The following FGF12 variants were observed in gnomAD, a reference collection of about 807,000 sequenced individuals.
FGF12 encodes the protein fibroblast growth factor 12.
A neutral mutation model predicts 23.6 loss-of-function variants in FGF12; 14 were observed. The observed-to-expected ratio is 0.59, with a 90% CI of 0.39 to 0.93. The LOEUF is 0.93. Ranked by LOEUF, FGF12 falls within the 40% of genes least tolerant of loss-of-function variation. The pLI is 0.00. For synonymous variants in FGF12, 62 were observed against 77.3 expected (o/e 0.80, Z 1.04); for missense variants, 175 against 217.8 (o/e 0.80, Z 1.24).
intron 2 of FGF12, among the ~76,000 whole-genome samples, chr3:192,666,917 T>TGATAGATAGATAGATAGATA: frequency 6.8e-6 from 1 of 147,630 alleles, no homozygotes; most frequent in South Asian, 2.2e-4. Flanking sequence ...GATAGATAGA[T>TGATAGATAGATAGATAGATA]GATAGATAGA....
At chr3:192,217,058 G>A (rs1468825284) in intron 4 of FGF12, among the ~76,000 whole-genome samples, 1 of 152,178 alleles carries the variant, frequency 6.6e-6, no homozygotes, top group Non-Finnish European at 1.5e-5. Context: ...GAGCACAGTG[G>A]TTAAGAACAT....
intron 4 of FGF12, among the ~76,000 whole-genome samples, chr3:192,190,941 T>C (rs773320097): frequency 6.5e-4 from 99 of 152,208 alleles, no homozygotes; most frequent in Non-Finnish European, 1.4e-3. Flanking sequence ...ATCTGAAGAA[T>C]GATGACTTCT....
At chr3:192,287,285 T>C (rs781212141) in intron 4 of FGF12, among the ~76,000 whole-genome samples, 2 of 152,062 alleles carry the variant, frequency 1.3e-5, no homozygotes, top group African/African-American at 2.4e-5. Flanking sequence ...GGATATATTA[T>C]CTCATTCTCC....
Position 192,514,860 on chromosome 3 carries a change from G to C in FGF12, c.14-154322C>G. ...GGAAGCCGGGTCCCGAGTCCATCGC[G>C]CGCGCCCAGGTGGAGGGGAGTTTGC... On this transcript the variant is annotated intron_variant, in intron 2 of 5. Transcript: ENST00000445105. This position sits in a 1 kb window ranked among gnomAD's most constrained non-coding sequence, Gnocchi z 4.9. 1.5e-5 allele frequency: 15 copies of C among 985,358 alleles called. No individual in the cohort carries two copies. Among genetic ancestry groups the C allele is most frequent in the Non-Finnish European group, 1.8e-5 (15 of 829,914 alleles). 61.0% of individuals were successfully genotyped at this position (985,358 alleles called of 1,614,324 possible).
chr3:192,715,493 T>A (rs1224218589), intron 2 of FGF12, among the ~76,000 whole-genome samples: 1 of 152,258 alleles, frequency 6.6e-6, no homozygotes, highest in Non-Finnish European at 1.5e-5. Context: ...TTTTCCAATG[T>A]TTTCATTTTA....
In FGF12 at chr3:192,567,127, T is replaced by C. The variant is rs140162940; in HGVS notation, c.13+160054A>G. Among the ~76,000 whole-genome samples the C allele has an allele frequency of 1.8e-3, 272 of 152,284 alleles. 1 individual carries two copies. The highest frequency in any genetic ancestry group is 6.1e-3 in the African/African-American group (253 of 41,558). ...TCATGCTTTGTGTGGAGGATAAAGA[T>C]GGAAGTTTTACTCCAGGTACTAGAA... On this transcript the variant is annotated intron_variant, in intron 2 of 5. Coordinates refer to ENST00000445105, the MANE Select transcript of FGF12 (RefSeq NM_004113.6).
chr3:192,559,121 T>G (rs536823226), intron 2 of FGF12, among the ~76,000 whole-genome samples: 1 of 152,032 alleles, frequency 6.6e-6, no homozygotes, highest in South Asian at 2.1e-4. Context: ...ACTAAAAAGC[T>G]TCTGCCCAGC....
chr3:192,191,444 C>A (rs995949312), intron 4 of FGF12, among the ~76,000 whole-genome samples: 2 of 152,156 alleles, frequency 1.3e-5, no homozygotes, highest in Admixed American at 1.3e-4. Flanking sequence ...GCAGAAGATG[C>A]TGATAATGTG....
At chr3:192,242,561 T>C (rs988882926) in intron 4 of FGF12, among the ~76,000 whole-genome samples, 1 of 152,134 alleles carries the variant, frequency 6.6e-6, no homozygotes, top group Non-Finnish European at 1.5e-5. Flanking sequence ...GGGAAAATTT[T>C]AAAAATCAAA....
intron 3 of FGF12, among the ~76,000 whole-genome samples, chr3:192,345,910 A>G (rs1364585846): frequency 6.6e-6 from 1 of 152,196 alleles, no homozygotes; most frequent in Non-Finnish European, 1.5e-5. Context: ...GTTGATTTAG[A>G]TATGCTCAAA....
chr3:192,415,816 A>C (rs1314557299), intron 2 of FGF12, among the ~76,000 whole-genome samples: 1 of 151,906 alleles, frequency 6.6e-6, no homozygotes, highest in Non-Finnish European at 1.5e-5. Context: ...TAAGGCAAAC[A>C]GAGAGCCACA....
At chr3:192,702,098 C>T (rs1180998656) in intron 2 of FGF12, among the ~76,000 whole-genome samples, 4 of 152,136 alleles carry the variant, frequency 2.6e-5, no homozygotes, top group East Asian at 3.9e-4. Context: ...AAATATTCCA[C>T]GTATAAGTGA....
intron 2 of FGF12, among the ~76,000 whole-genome samples, chr3:192,528,910 G>A (rs1260689132): frequency 1.3e-5 from 2 of 152,106 alleles, no homozygotes; most frequent in Non-Finnish European, 2.9e-5. Flanking sequence ...GGGACCCTGG[G>A]CCCCACTCAC....
chr3:192,211,869 CATA>C (rs1717947024), intron 4 of FGF12, among the ~76,000 whole-genome samples: 1 of 152,086 alleles, frequency 6.6e-6, no homozygotes, highest in Admixed American at 6.5e-5. Context: ...TTTCAAATAA[CATA>C]ATAAATCCTA....
At chr3:192,208,274 T>C (rs1269099813) in intron 4 of FGF12, among the ~76,000 whole-genome samples, 1 of 152,254 alleles carries the variant, frequency 6.6e-6, no homozygotes, top group Non-Finnish European at 1.5e-5. Context: ...TCTGTTACGA[T>C]ATTCCATAGA....
chr3:192,475,925 G>T (rs894159931), intron 2 of FGF12, among the ~76,000 whole-genome samples: 2 of 148,866 alleles, frequency 1.3e-5, no homozygotes, highest in African/African-American at 5.2e-5. Context: ...GATGATAGAT[G>T]ATATAGATAG....
intron 2 of FGF12, among the ~76,000 whole-genome samples, chr3:192,660,992 A>AAT (rs1553844926): frequency 0.027 from 4,128 of 151,070 alleles, 203 homozygotes; most frequent in African/African-American, 0.095. Flanking sequence ...TTTAAAAAAA[A>AAT]AATAATAATT....
intron 2 of FGF12, among the ~76,000 whole-genome samples, chr3:192,652,115 T>G (rs1277175010): frequency 6.6e-6 from 1 of 152,166 alleles, no homozygotes; most frequent in Non-Finnish European, 1.5e-5. Context: ...GACTTCTAGA[T>G]CTTACACTTC....
chr3:192,465,426 C>T (rs1436905102), intron 2 of FGF12, among the ~76,000 whole-genome samples: 2 of 152,098 alleles, frequency 1.3e-5, no homozygotes, highest in Non-Finnish European at 2.9e-5. Context: ...CCAAGACTTG[C>T]CCTACACTCA....
Sources: allele counts gnomAD v4.1 joint callset (sites outside exome capture counted in the v4.1 genomes callset), GRCh38; gene constraint gnomAD v4.1.1; non-coding constraint Gnocchi (gnomAD v3.1); transcripts MANE v1.5; gene names NCBI Gene and HGNC (gene_info 2026-07-23, HGNC 2026-07-21).